Variants in HIVEP2 observed in about 807,000 individuals in gnomAD.
HIVEP2 encodes transcription factor HIVEP2.
A neutral mutation model predicts 180.7 loss-of-function variants in HIVEP2; 14 were observed. That is an observed-to-expected ratio of 0.08 (90% confidence interval 0.05 to 0.12). The LOEUF is 0.12. HIVEP2 is among the 10% of genes least tolerant of loss of function. The pLI, the probability that HIVEP2 is intolerant of heterozygous loss-of-function variation, is 1.00. For missense variants in HIVEP2, 2,579 were observed against 3,008.5 expected, an observed-to-expected ratio of 0.86 and a Z score of 3.34; for synonymous variants, 1,184 against 1,136.4, an observed-to-expected ratio of 1.04 and a Z score of -0.84.
intron 2 of HIVEP2, among the ~76,000 whole-genome samples, chr6:142,834,248 GA>G (rs1414358962): frequency 1.3e-5 from 2 of 152,118 alleles, no homozygotes; most frequent in Non-Finnish European, 2.9e-5. Context: ...ATAAACAGAT[GA>G]AGAAAAGGTT....
chr6:142,860,657 A>G (rs1377388183), intron 1 of HIVEP2, among the ~76,000 whole-genome samples: 4 of 152,162 alleles, frequency 2.6e-5, no homozygotes, highest in Admixed American at 1.3e-4. Flanking sequence ...CGCAGTTCAC[A>G]ATAGGGTTCA....
intron 1 of HIVEP2, among the ~76,000 whole-genome samples, chr6:142,866,925 C>A (rs1253803405): frequency 3.9e-5 from 6 of 152,152 alleles, no homozygotes; most frequent in Non-Finnish European, 2.9e-5. Flanking sequence ...AAGCTATAAT[C>A]TTCCAGTGGG....
intron 1 of HIVEP2, among the ~76,000 whole-genome samples, chr6:142,882,140 G>A (rs1353295421): frequency 6.6e-6 from 1 of 152,164 alleles, no homozygotes; most frequent in African/African-American, 2.4e-5. Flanking sequence ...TTAAGCCACT[G>A]TCAATACAAT....
chr6:142,837,596 C>A (rs1022024299), intron 1 of HIVEP2, among the ~76,000 whole-genome samples: 1 of 152,088 alleles, frequency 6.6e-6, no homozygotes, highest in African/African-American at 2.4e-5. Flanking sequence ...GAGAATGTTA[C>A]ACCTTGTCTC....
chr6:142,816,898 G>T (rs1392111964), intron 2 of HIVEP2, among the ~76,000 whole-genome samples: 4 of 150,560 alleles, frequency 2.7e-5, no homozygotes, highest in African/African-American at 9.7e-5. Context: ...GTGTGTGTGT[G>T]TACATATACA....
chr6:142,883,701 C>T (rs749785158), intron 1 of HIVEP2, among the ~76,000 whole-genome samples: 52 of 152,256 alleles, frequency 3.4e-4, no homozygotes, highest in African/African-American at 1.2e-3. Context: ...TAGTCTCCAG[C>T]AGCTCCTCAG....
At position 142,773,117 on chromosome 6, in the gene HIVEP2, A is replaced by G; in HGVS notation, c.1622T>C (p.Ile541Thr). 6.2e-7 allele frequency: 1 copy of G among 1,614,212 alleles called. No individual in the cohort carries two copies. Among genetic ancestry groups the G allele is most frequent in the Non-Finnish European group, 8.5e-7 (1 of 1,180,030 alleles). The change falls in exon 5 of 10, where the codon ATT becomes ACT. Residue 541 changes from isoleucine to threonine, a missense_variant. Coordinates refer to ENST00000367603, the MANE Select transcript of HIVEP2 (RefSeq NM_006734.4). ...AGAAGTTGGCACTGAGTTGCTTCTA[A>G]TAAGGGGTGAAGAGTCTACAGGAGC... ...LEAPVDSSPL[I>T]RSNSVPTSSA...
At chr6:142,873,897 C>T (rs1436818369) in intron 1 of HIVEP2, among the ~76,000 whole-genome samples, 1 of 152,126 alleles carries the variant, frequency 6.6e-6, no homozygotes, top group Admixed American at 6.6e-5. Context: ...ACTGAGTTTT[C>T]TGGGATCTGA....
intron 1 of HIVEP2, among the ~76,000 whole-genome samples, chr6:142,903,313 A>G (rs781569329): frequency 9.9e-5 from 15 of 152,250 alleles, no homozygotes; most frequent in Non-Finnish European, 2.2e-4. Context: ...CTTCTTATCT[A>G]TGCCAGTTAG....
chr6:142,821,689 A>G (rs1777042863), intron 2 of HIVEP2, among the ~76,000 whole-genome samples: 1 of 152,226 alleles, frequency 6.6e-6, no homozygotes, highest in Admixed American at 6.5e-5. Context: ...ACGAGTTCCT[A>G]AATTAATTTA....
chr6:142,759,112 G>A (rs1775153250), intron 9 of HIVEP2, among the ~76,000 whole-genome samples: 1 of 152,014 alleles, frequency 6.6e-6, no homozygotes, highest in East Asian at 1.9e-4. Flanking sequence ...GACCAGCCTG[G>A]CCAACATGGT....
At chr6:142,879,090 C>A (rs1003603314) in intron 1 of HIVEP2, among the ~76,000 whole-genome samples, 3 of 152,096 alleles carry the variant, frequency 2.0e-5, no homozygotes, top group Non-Finnish European at 4.4e-5. Context: ...GTGTAAGAGT[C>A]ATTGGTAAAT....
intron 1 of HIVEP2, among the ~76,000 whole-genome samples, chr6:142,923,509 A>G (rs1375506754): frequency 2.0e-5 from 3 of 152,124 alleles, no homozygotes; most frequent in African/African-American, 7.2e-5. Flanking sequence ...TTTGGAGAAG[A>G]TTTTCTTTTT....
At chr6:142,910,476 C>T (rs9484675) in intron 1 of HIVEP2, among the ~76,000 whole-genome samples, 16,056 of 152,242 alleles carry the variant, frequency 0.11, 1,025 homozygotes, top group South Asian at 0.13. Flanking sequence ...GTGGCGCATG[C>T]CTGTAGTCCC....
intron 2 of HIVEP2, among the ~76,000 whole-genome samples, chr6:142,789,334 T>C (rs75126203): frequency 0.023 from 3,454 of 152,328 alleles, 127 homozygotes; most frequent in East Asian, 0.15. Flanking sequence ...TCTCCCAACA[T>C]GTGTCCTTAA....
chr6:142,925,322 T>C (rs1196680180), intron 1 of HIVEP2, among the ~76,000 whole-genome samples: 1 of 152,238 alleles, frequency 6.6e-6, no homozygotes, highest in African/African-American at 2.4e-5. Context: ...TAATGGATTC[T>C]GCTCTCCTAA....
intron 1 of HIVEP2, among the ~76,000 whole-genome samples, chr6:142,877,980 A>ATG (rs374660232): frequency 3.2e-4 from 49 of 152,058 alleles, no homozygotes; most frequent in African/African-American, 1.1e-3. Flanking sequence ...GTGTGTGTGT[A>ATG]TGTGTGTGTG....
At chr6:142,891,562 CTG>C (rs1402879621) in intron 1 of HIVEP2, among the ~76,000 whole-genome samples, 1 of 152,122 alleles carries the variant, frequency 6.6e-6, no homozygotes, top group Non-Finnish European at 1.5e-5. Context: ...CAACTCTTGA[CTG>C]TGTCTTTGCA....
At chr6:142,754,673 CA>C (rs1342266569) in intron 9 of HIVEP2, among the ~76,000 whole-genome samples, 2 of 152,212 alleles carry the variant, frequency 1.3e-5, no homozygotes, top group Non-Finnish European at 2.9e-5. Context: ...TTATTTCAGA[CA>C]GTTAACAACT....
Sources: gnomAD v4.1 joint callset for allele counts (sites outside exome capture counted in the v4.1 genomes callset) on GRCh38, gnomAD v4.1.1 for gene constraint, MANE v1.5 for transcripts, NCBI Gene and HGNC (gene_info 2026-07-23, HGNC 2026-07-21) for gene names.